Variants in BRINP1 observed in about 807,000 individuals in gnomAD.
BRINP1 encodes BMP/retinoic acid-inducible neural-specific protein 1.
In BRINP1, 17 loss-of-function variants were observed where a neutral mutation model predicts 72.9. The ratio of observed to expected loss-of-function variants is 0.23; its 90% CI spans 0.16 to 0.35. The LOEUF (loss-of-function observed/expected upper bound fraction) is 0.35, where lower values mean the gene tolerates loss of function less well. Among genes scored for constraint, BRINP1 ranks in the 10% least tolerant of loss-of-function variants. BRINP1 has a pLI of 1.00. For synonymous variants in BRINP1, 418 were observed against 378.5 expected (o/e 1.10, Z -1.21); for missense variants, 850 against 1,001.6 (o/e 0.85, Z 2.04).
intron 1 of BRINP1, among the ~76,000 whole-genome samples, chr9:119,346,216 T>C (rs1831450042): frequency 6.6e-6 from 1 of 152,182 alleles, no homozygotes; most frequent in African/African-American, 2.4e-5. Flanking sequence ...GGCAAGACAT[T>C]ACCAAGATAT....
chr9:119,271,258 G>A (rs149792889), intron 2 of BRINP1, among the ~76,000 whole-genome samples: 4 of 151,062 alleles, frequency 2.6e-5, no homozygotes, highest in South Asian at 2.1e-4. Context: ...AGGGGGAAAC[G>A]ATGAGTGTAA....
At chr9:119,301,952 A>G (rs1305002057) in intron 2 of BRINP1, among the ~76,000 whole-genome samples, 2 of 152,200 alleles carry the variant, frequency 1.3e-5, no homozygotes, top group African/African-American at 4.8e-5. Context: ...TTATAACAGA[A>G]GTGATCTTTG....
At chr9:119,184,084 G>C (rs372680220) in intron 7 of BRINP1, among the ~76,000 whole-genome samples, 6 of 152,096 alleles carry the variant, frequency 3.9e-5, no homozygotes, top group South Asian at 2.1e-4. Context: ...GAGCCACAGG[G>C]GGGGAGAAAA....
chr9:119,292,595 G>T lies in BRINP1; in HGVS notation c.218+20543C>A, dbSNP rs149501816. ...TGTCCTTCATCTATCGCTTAATTAG[G>T]TTCAGCCTTTCATAGACTCTGCCAA... On this transcript the variant is annotated intron_variant, in intron 2 of 7. Coordinates refer to ENST00000265922, the MANE Select transcript of BRINP1 (RefSeq NM_014618.3). Among the ~76,000 whole-genome samples, 679 of 152,222 alleles carry T rather than the reference G, an allele frequency of 4.5e-3. 7 individuals carry two copies. The highest frequency in any genetic ancestry group is 3.1e-3 in the Non-Finnish European group (208 of 68,000).
chr9:119,312,638 T>G (rs1357567555), intron 2 of BRINP1, among the ~76,000 whole-genome samples: 2 of 152,196 alleles, frequency 1.3e-5, no homozygotes, highest in Admixed American at 1.3e-4. Context: ...AATGTTTGAA[T>G]GTATTTGGGT....
In BRINP1 at chr9:119,233,176, G is replaced by C. The variant is rs1207545320; in HGVS notation, c.685+5479C>G. On this transcript the variant is annotated intron_variant, in intron 5 of 7. Coordinates refer to ENST00000265922, the MANE Select transcript of BRINP1 (RefSeq NM_014618.3). Reference sequence around the variant, plus strand: ...TCTGCCCTCCCAGCCTCATTCAAAGGAATGAGAAGAGGAAGAGAGAAATAT... The same window carrying C: ...TCTGCCCTCCCAGCCTCATTCAAAGCAATGAGAAGAGGAAGAGAGAAATAT... 3.3e-5 allele frequency among the ~76,000 whole-genome samples: 5 copies of C among 151,936 alleles called. No homozygotes were observed. The East Asian group carries it at 9.7e-4, about 29-fold the overall frequency.
chr9:119,351,041 T>C (rs1831503306), intron 1 of BRINP1, among the ~76,000 whole-genome samples: 1 of 152,058 alleles, frequency 6.6e-6, no homozygotes, highest in Non-Finnish European at 1.5e-5. Context: ...ATGTATTAGG[T>C]ATTTGTCCTA....
intron 2 of BRINP1, among the ~76,000 whole-genome samples, chr9:119,297,084 G>A (rs1830889259): frequency 6.6e-6 from 1 of 152,144 alleles, no homozygotes; most frequent in Admixed American, 6.5e-5. Flanking sequence ...TAGCTTGATT[G>A]TGGGGGTAAT....
At chr9:119,178,720 T>C (rs1829518284) in intron 7 of BRINP1, among the ~76,000 whole-genome samples, 2 of 152,212 alleles carry the variant, frequency 1.3e-5, no homozygotes, top group South Asian at 4.2e-4. Flanking sequence ...GAAAAATGAG[T>C]CCTTGAGAAG....
intron 1 of BRINP1, among the ~76,000 whole-genome samples, chr9:119,338,447 T>C (rs148418074): frequency 4.6e-5 from 7 of 152,104 alleles, no homozygotes; most frequent in Non-Finnish European, 8.8e-5. Flanking sequence ...AGAACAACAA[T>C]GATAGGTGTT....
At chr9:119,356,759 C>G (rs143429036) in intron 1 of BRINP1, among the ~76,000 whole-genome samples, 2 of 150,686 alleles carry the variant, frequency 1.3e-5, no homozygotes, top group African/African-American at 4.9e-5. Flanking sequence ...AAACCGAGAT[C>G]GCACCATTGC....
At position 119,241,239 on chromosome 9, in the gene BRINP1, G is replaced by A. The variant is rs969206970; in HGVS notation, c.579+808C>T. Among the ~76,000 whole-genome samples the A allele has an allele frequency of 2.6e-5, 4 of 152,100 alleles. No homozygotes were observed. In the East Asian group the frequency reaches 5.8e-4, roughly 22 times the overall value. On this transcript the variant is annotated intron_variant, in intron 4 of 7. Coordinates refer to ENST00000265922, the MANE Select transcript of BRINP1 (RefSeq NM_014618.3). ...CCAGGTGACTAGTGGCTACTATCTC[G>A]GCTAGCACAGATACAGGGCCTTTCC...
chr9:119,281,839 T>C (rs1830716138), intron 2 of BRINP1, among the ~76,000 whole-genome samples: 1 of 152,176 alleles, frequency 6.6e-6, no homozygotes, highest in South Asian at 2.1e-4. Context: ...TTGTTTTCAT[T>C]CTTTTTAGTG....
rs188879460 is a variant in BRINP1 at position 119,193,076 on chromosome 9, T to C, written c.1145+15643A>G. On this transcript the variant is annotated intron_variant, in intron 7 of 7. Coordinates refer to ENST00000265922, the MANE Select transcript of BRINP1 (RefSeq NM_014618.3). ...ATATTACCTAATGCAATGTAAATACTATGACATGGTTATAATGCTATATTT... is the reference window on the plus strand; with the variant it reads ...ATATTACCTAATGCAATGTAAATACCATGACATGGTTATAATGCTATATTT... Among the ~76,000 whole-genome samples the C allele has an allele frequency of 1.7e-4, 26 of 152,300 alleles. No individual in the cohort carries two copies. In the East Asian group the frequency reaches 5.0e-3, roughly 29 times the overall value.
chr9:119,208,872 T>G lies in BRINP1; in HGVS notation c.992A>C (p.His331Pro). The G allele has an allele frequency of 6.2e-7, 1 of 1,614,154 alleles. No individual in the cohort carries two copies. The highest frequency in any genetic ancestry group is 1.1e-5 in the South Asian group (1 of 91,086). The change falls in exon 7 of 8, where the codon CAC (histidine) becomes CCC (proline). Residue 331 changes from histidine to proline, a missense_variant. Physicochemically the swap from His to Pro is moderately conservative, Grantham distance 77. Coordinates refer to ENST00000265922, the MANE Select transcript of BRINP1 (RefSeq NM_014618.3). Reference protein sequence around the residue: ...HFLTIGSIHQHWGNDWDLQNR... With the variant: ...HFLTIGSIHQPWGNDWDLQNR... ...CTGCAGGTCCCAGTCATTGCCCCAG[T>G]GCTGATGGATGCTTCCGATGGTCAG...
chr9:119,290,520 A>G (rs976565085), intron 2 of BRINP1, among the ~76,000 whole-genome samples: 3 of 152,214 alleles, frequency 2.0e-5, no homozygotes, highest in African/African-American at 7.2e-5. Context: ...AAGGAGAATC[A>G]GGATTCTGAG....
intron 2 of BRINP1, among the ~76,000 whole-genome samples, chr9:119,290,124 A>C (rs1830807306): frequency 6.6e-6 from 1 of 152,246 alleles, no homozygotes; most frequent in Non-Finnish European, 1.5e-5. Flanking sequence ...AAGACCATGG[A>C]AAGAACCTAA....
At chr9:119,365,213 A>T (rs763546869) in intron 1 of BRINP1, among the ~76,000 whole-genome samples, 3 of 152,254 alleles carry the variant, frequency 2.0e-5, no homozygotes, top group African/African-American at 7.2e-5. Context: ...ACTTCTTGGA[A>T]GGGTCATTTG....
At chr9:119,221,323 A>T (rs901616241) in intron 5 of BRINP1, among the ~76,000 whole-genome samples, 2 of 152,090 alleles carry the variant, frequency 1.3e-5, no homozygotes, top group African/African-American at 4.8e-5. Flanking sequence ...TCCTTGTGAA[A>T]GCCCAGGGAT....
Sources: gnomAD v4.1 joint callset for allele counts (sites outside exome capture counted in the v4.1 genomes callset) on GRCh38, gnomAD v4.1.1 for gene constraint, MANE v1.5 for transcripts, NCBI Gene and HGNC (gene_info 2026-07-23, HGNC 2026-07-21) for gene names.